PLA2G4C: variants seen among roughly 807,000 people sequenced by gnomAD.
PLA2G4C encodes the protein cytosolic phospholipase A2 gamma.
A neutral mutation model predicts 73.8 loss-of-function variants in PLA2G4C; 64 were observed. The observed-to-expected ratio is 0.87, with a 90% CI of 0.71 to 1.07. PLA2G4C has a LOEUF of 1.07. Among genes scored for constraint, PLA2G4C ranks in the 50% least tolerant of loss-of-function variants. The pLI, the probability that PLA2G4C is intolerant of heterozygous loss-of-function variation, is 0.00. For missense variants in PLA2G4C, 622 were observed against 665.4 expected (o/e 0.93, Z 0.72); for synonymous variants, 254 against 252.1 (o/e 1.01, Z -0.07).
intron 14 of PLA2G4C, among the ~76,000 whole-genome samples, chr19:48,058,275 G>A (rs1408649892): frequency 1.3e-5 from 2 of 151,732 alleles, no homozygotes; most frequent in Admixed American, 6.6e-5. Flanking sequence ...CTCCAGCCCG[G>A]GCAACAAGAG....
At chr19:48,103,962 G>A (rs770226213) in intron 4 of PLA2G4C, 1 of 152,084 alleles carries the variant, frequency 6.6e-6, no homozygotes, top group Non-Finnish European at 1.5e-5. Flanking sequence ...GGTGTGCAGT[G>A]GTGTGATTGT....
chr19:48,087,692 T>A (rs1247173179), intron 9 of PLA2G4C, among the ~76,000 whole-genome samples: 1 of 151,994 alleles, frequency 6.6e-6, no homozygotes, highest in Non-Finnish European at 1.5e-5. Flanking sequence ...CCCAGCACTT[T>A]GGGAGGCCGA....
At chr19:48,050,153 C>G (rs11564657) in intron 16 of PLA2G4C, among the ~76,000 whole-genome samples, 4,833 of 152,256 alleles carry the variant, frequency 0.032, 242 homozygotes, top group African/African-American at 0.11. Flanking sequence ...AACTCCTGAC[C>G]TCATGATCTG....
chr19:48,064,154 C>T lies in PLA2G4C; in HGVS notation c.1103-2002G>A, dbSNP rs142223357. ...TCATAATTACTCTATTTTGGCCGGG[C>T]ACGGTGGCTCACGCCTGTAATCCCA... On this transcript the variant is annotated intron_variant, in intron 13 of 16. Coordinates refer to ENST00000599921, the MANE Select transcript of PLA2G4C (RefSeq NM_003706.3). Among the ~76,000 whole-genome samples the T allele has an allele frequency of 5.8e-3, 878 of 152,268 alleles. 4 individuals are homozygous for T. Among genetic ancestry groups the T allele is most frequent in the Middle Eastern group, 0.014 (4 of 294 alleles).
At position 48,055,042 on chromosome 19, in the gene PLA2G4C, C is replaced by T. The variant is rs35229843; in HGVS notation, c.1265G>A (p.Arg422Gln). The T allele has an allele frequency of 1.5e-4, 245 of 1,605,420 alleles. No individual in the cohort carries two copies. In the Middle Eastern group the frequency reaches 2.7e-3, roughly 17 times the overall value. Residue 422 changes from arginine to glutamine, a missense_variant, in exon 15 of 17, where the codon CGG becomes CAG. By Grantham distance (43) the Arg-to-Gln change is conservative. Coordinates refer to ENST00000599921, the MANE Select transcript of PLA2G4C (RefSeq NM_003706.3). ...GCGGCGGCAGTAGTCAGTGGTAGCC[C>T]GGATGGTCTGAGAAGGAGGCAATAA... is the stretch of plus-strand genomic sequence containing the variant. ...FSAGDPFETI[R>Q]ATTDYCRRHK...
intron 16 of PLA2G4C, among the ~76,000 whole-genome samples, chr19:48,050,219 C>T (rs138528489): frequency 3.5e-4 from 53 of 152,252 alleles, no homozygotes; most frequent in African/African-American, 8.7e-4. Context: ...CATGCCCGGC[C>T]TCTGTGGTAC....
intron 6 of PLA2G4C, among the ~76,000 whole-genome samples, chr19:48,097,339 G>A (rs1326438087): frequency 2.3e-5 from 3 of 131,022 alleles, no homozygotes; most frequent in South Asian, 2.7e-4. Flanking sequence ...TGCAACCTCC[G>A]CCTCCCGGGT....
chr19:48,063,110 TCTCCACTCACTGCAAC>T (rs1354663451), intron 13 of PLA2G4C, among the ~76,000 whole-genome samples: 1 of 151,966 alleles, frequency 6.6e-6, no homozygotes. Context: ...AGTGGCGCAA[TCTCCACTCACTGCAAC>T]CTCCACCTCC....
At chr19:48,099,544 AG>A in intron 5 of PLA2G4C, 126 bp downstream of exon 5, 1 of 641,300 alleles carries the variant, frequency 1.6e-6, no homozygotes, top group Non-Finnish European at 2.7e-6. Context: ...CGAAGTGCCC[AG>A]ATTTTGATGA....
At chr19:48,099,499 G>C (rs1046288424) in intron 5 of PLA2G4C, among the ~76,000 whole-genome samples, 172 bp downstream of exon 5, 1 of 152,120 alleles carries the variant, frequency 6.6e-6, no homozygotes, top group African/African-American at 2.4e-5. Flanking sequence ...TGCAACCACA[G>C]TAATCCTGAT....
At chr19:48,053,464 G>T (rs962913914) in intron 15 of PLA2G4C, among the ~76,000 whole-genome samples, 1 of 144,532 alleles carries the variant, frequency 6.9e-6, no homozygotes, top group Non-Finnish European at 1.5e-5. Flanking sequence ...CCACCTCCTA[G>T]ATTCAAGCGA....
chr19:48,074,688 AG>A (rs2030015470), intron 12 of PLA2G4C, 78 bp downstream of exon 12: 1 of 933,230 alleles, frequency 1.1e-6, no homozygotes, highest in Admixed American at 1.7e-5. Context: ...ACTGGCCCAC[AG>A]GGGTGGGGAA....
rs1555750806 is a variant in PLA2G4C at position 48,088,716 on chromosome 19, C to G, written c.764-4G>C. 1.2e-6 allele frequency: 2 copies of G among 1,600,456 alleles called. No individual in the cohort carries two copies. The highest frequency in any genetic ancestry group is 1.7e-6 in the Non-Finnish European group (2 of 1,167,642). The stretch of plus-strand genomic sequence containing the variant: ...AGGGTCAGATTCCTTAACTGGTCTG[C>G]AAAAGAGTAGAAGCAGGAGGAATGT... On this transcript the variant is annotated splice_polypyrimidine_tract_variant and splice_region_variant and intron_variant, in intron 8 of 16. Coordinates refer to ENST00000599921, the MANE Select transcript of PLA2G4C (RefSeq NM_003706.3).
chr19:48,097,531 C>G (rs564620939), intron 6 of PLA2G4C, among the ~76,000 whole-genome samples: 2 of 151,840 alleles, frequency 1.3e-5, no homozygotes, highest in African/African-American at 2.4e-5. Context: ...GGATTACAGG[C>G]GTGAGCCACT....
chr19:48,059,270 CAA>C (rs10686659), intron 14 of PLA2G4C, among the ~76,000 whole-genome samples: 2 of 139,098 alleles, frequency 1.4e-5, no homozygotes, highest in Non-Finnish European at 3.1e-5. Context: ...GACTCTGTCT[CAA>C]AAAAAAAAAA....
chr19:48,087,616 G>A (rs982104814), intron 9 of PLA2G4C, among the ~76,000 whole-genome samples: 2 of 152,122 alleles, frequency 1.3e-5, no homozygotes, highest in Admixed American at 6.6e-5. Context: ...GAGCTGAGGT[G>A]GCTCCAACCC....
chr19:48,094,870 TTTTGTTTG>T (rs111632187), intron 7 of PLA2G4C, among the ~76,000 whole-genome samples: 47 of 151,766 alleles, frequency 3.1e-4, no homozygotes, highest in South Asian at 4.2e-4. Context: ...CATTCTAGTT[TTTTGTTTG>T]TTTGTTTGTT....
chr19:48,108,288 C>G (rs2032329551), intron 1 of PLA2G4C, among the ~76,000 whole-genome samples: 1 of 152,114 alleles, frequency 6.6e-6, no homozygotes, highest in African/African-American at 2.4e-5. Context: ...GCATGCACCA[C>G]CACGTCTGGC....
chr19:48,053,037 T>C lies in PLA2G4C; in HGVS notation c.1540A>G (p.Asn514Asp), dbSNP rs765830693. The change falls in exon 16 of 17, where the codon AAC (asparagine) becomes GAC (aspartate). Residue 514 changes from asparagine to aspartate, a missense_variant. Physicochemically the swap from Asn to Asp is conservative, Grantham distance 23. Transcript: ENST00000599921. ...LALAKKNVRENKKKILRELMN... is the reference protein window; with the variant it reads ...LALAKKNVREDKKKILRELMN... Reference sequence around the variant, plus strand: ...AACTCTCTAAGGATCTTCTTCTTGTTTTCCCTGACATTCTTCTTGGCTAAT... The same window carrying C: ...AACTCTCTAAGGATCTTCTTCTTGTCTTCCCTGACATTCTTCTTGGCTAAT... 9 of 1,613,630 alleles carry C rather than the reference T, an allele frequency of 5.6e-6. No homozygotes were observed. The South Asian group carries it at 9.9e-5, about 18-fold the overall frequency.
Sources: allele counts gnomAD v4.1 joint callset (sites outside exome capture counted in the v4.1 genomes callset), GRCh38; gene constraint gnomAD v4.1.1; transcripts MANE v1.5; gene names NCBI Gene and HGNC (gene_info 2026-07-23, HGNC 2026-07-21).